The following UBQLN3 variants were observed in gnomAD, a reference collection of about 807,000 sequenced individuals.
UBQLN3 encodes ubiquilin 3, also known as ubiquilin-3.
UBQLN3 carries 1 observed loss-of-function variant against 2.9 expected under a neutral mutation model. The observed-to-expected ratio is 0.35, with a 90% CI of 0.12 to 1.66. The LOEUF is 1.66. Ranked by LOEUF, UBQLN3 falls within the 40% of genes most tolerant of loss-of-function variation. The probability of loss-of-function intolerance (pLI) is 0.35; values close to 1 mark genes in which losing one functional copy is unlikely to be tolerated. For missense variants in UBQLN3, 924 were observed against 816.5 expected (o/e 1.13, Z -1.61); for synonymous variants, 358 against 317.6 (o/e 1.13, Z -1.35).
chr11:5,508,796 A>G lies in UBQLN3; in HGVS notation c.763T>C (p.Cys255Arg), dbSNP rs2234446. 5.8e-4 allele frequency: 933 copies of G among 1,614,182 alleles called. 5 individuals are homozygous for G. In the African/African-American group the frequency reaches 8.0e-3, roughly 14 times the overall value. The change falls in exon 2 of 2, where the codon TGC (cysteine) becomes CGC (arginine). Residue 255 changes from cysteine to arginine, a missense_variant. By Grantham distance (180) the Cys-to-Arg change is radical. Coordinates refer to ENST00000311659, the MANE Select transcript of UBQLN3 (RefSeq NM_017481.4). This position sits in a 1 kb window ranked among gnomAD's most constrained non-coding sequence, Gnocchi z 4.2. ...ESIPGGYNVLCTMYTDIMDPM... is the reference protein window; with the variant it reads ...ESIPGGYNVLRTMYTDIMDPM... ...TCCATAATATCTGTGTACATAGTGC[A>G]AAGCACATTGTAGCCACCAGGAATG... is the stretch of plus-strand genomic sequence containing the variant.
At position 5,508,234 on chromosome 11, in the gene UBQLN3, G is replaced by A. The variant is rs1846414627; in HGVS notation, c.1325C>T (p.Pro442Leu). The A allele has an allele frequency of 4.3e-6, 7 of 1,614,166 alleles. No homozygotes were observed. The highest frequency in any genetic ancestry group is 2.2e-5 in the East Asian group (1 of 44,868). The change falls in exon 2 of 2, where the codon CCT (proline) becomes CTT (leucine). Residue 442 changes from proline to leucine, a missense_variant. Physicochemically the swap from Pro to Leu is moderately conservative, Grantham distance 98. Transcript: ENST00000311659. This position sits in a 1 kb window ranked among gnomAD's most constrained non-coding sequence, Gnocchi z 4.2. ...KSSTGHSTNL[P>L]DLVSGLGDSA... Reference sequence around the variant, plus strand: ...ATCTCCCAGCCCCGAGACAAGATCAGGCAAGTTTGTGCTATGTCCAGTAGA... The same window carrying A: ...ATCTCCCAGCCCCGAGACAAGATCAAGCAAGTTTGTGCTATGTCCAGTAGA...
Position 5,507,668 on chromosome 11 carries a change from G to A in UBQLN3, c.1891C>T (p.Arg631Cys), listed in dbSNP as rs762207092. ...EQLRSMGFLN[R>C]EANLQALIAT... Reference sequence around the variant, plus strand: ...ATGAGGGCCTGAAGATTGGCTTCACGATTCAGAAAGCCCATGGACCGCAGT... The same window carrying A: ...ATGAGGGCCTGAAGATTGGCTTCACAATTCAGAAAGCCCATGGACCGCAGT... Residue 631 changes from arginine (R) to cysteine (C), a missense_variant, in exon 2 of 2, where the codon CGT (arginine) becomes TGT (cysteine). Coordinates refer to ENST00000311659, the MANE Select transcript of UBQLN3 (RefSeq NM_017481.4). The A allele has an allele frequency of 1.3e-5, 21 of 1,613,954 alleles. No homozygotes were observed. The highest frequency in any genetic ancestry group is 4.0e-5 in the African/African-American group (3 of 74,922).
Position 5,508,429 on chromosome 11 carries a change from A to C in UBQLN3, c.1130T>G (p.Val377Gly). ...LSQSQEPPPSVNRVPPSSPSS... is the reference protein window; with the variant it reads ...LSQSQEPPPSGNRVPPSSPSS... ...GGGTGACGATGGGGGAACTCTGTTT[A>C]CTGATGGTGGTGGTTCCTGGCTTTG... is the stretch of plus-strand genomic sequence containing the variant. The change falls in exon 2 of 2, where the codon GTA (valine) becomes GGA (glycine). Residue 377 changes from valine (V) to glycine (G), a missense_variant. Transcript: ENST00000311659. The surrounding 1 kb of genome is among the most constrained non-coding windows in gnomAD (Gnocchi z 4.2). 1.2e-6 allele frequency: 2 copies of C among 1,605,086 alleles called. No individual in the cohort carries two copies. Among genetic ancestry groups the C allele is most frequent in the African/African-American group, 2.7e-5 (2 of 74,620 alleles).
Position 5,508,255 on chromosome 11 carries a change from G to A in UBQLN3, c.1304C>T (p.Thr435Ile). 6.2e-7 allele frequency: 1 copy of A among 1,614,170 alleles called. No homozygotes were observed. Among genetic ancestry groups the A allele is most frequent in the Non-Finnish European group, 8.5e-7 (1 of 1,180,022 alleles). The part of the protein sequence containing the change: ...GDQDGAGKSS[T>I]GHSTNLPDLV... ...ATCAGGCAAGTTTGTGCTATGTCCA[G>A]TAGAGCTTTTCCCTGCACCATCTTG... Residue 435 changes from threonine to isoleucine, a missense_variant, in exon 2 of 2, where the codon ACT (threonine) becomes ATT (isoleucine). By Grantham distance (89) the Thr-to-Ile change is moderately conservative. Transcript: ENST00000311659. This position sits in a 1 kb window ranked among gnomAD's most constrained non-coding sequence, Gnocchi z 4.2.
In UBQLN3 at chr11:5,508,090, C is replaced by T; in HGVS notation, c.1469G>A (p.Gly490Asp). The change falls in exon 2 of 2, where the codon GGC becomes GAC. Residue 490 changes from glycine to aspartate, a missense_variant. Transcript: ENST00000311659. The surrounding 1 kb of genome is among the most constrained non-coding windows in gnomAD (Gnocchi z 4.2). ...CTGTAACTGTGGAGCTGGATTCATG[C>T]CATCTGGCCTCAGAGATCTTGGATA... is the stretch of plus-strand genomic sequence containing the variant. ...PAYPRSLRPD[G>D]MNPAPQLQDE... is the part of the protein sequence containing the mutation. 1 of 1,614,162 alleles carries T rather than the reference C, an allele frequency of 6.2e-7. No homozygotes were observed. The highest frequency in any genetic ancestry group is 8.5e-7 in the Non-Finnish European group (1 of 1,180,032).
rs1846437282 is a variant in UBQLN3 at position 5,509,257 on chromosome 11, T to A, written c.302A>T (p.Glu101Val). 1.2e-6 allele frequency: 2 copies of A among 1,614,048 alleles called. No homozygotes were observed. Among genetic ancestry groups the A allele is most frequent in the African/African-American group, 2.7e-5 (2 of 74,928 alleles). The change falls in exon 2 of 2, where the codon GAG becomes GTG. Residue 101 changes from glutamate to valine, a missense_variant. Glu to Val is a moderately radical substitution (Grantham distance 121, BLOSUM62 -2). Coordinates refer to ENST00000311659, the MANE Select transcript of UBQLN3 (RefSeq NM_017481.4). ...GGTAGGGACAGAGGCAGCTGGGCAC[T>A]CATTGCCCATGGCACGGTGCTGCCT... is the stretch of plus-strand genomic sequence containing the variant. The part of the protein sequence containing the change: ...IKRQHRAMGN[E>V]CPAASVPTQG...
rs1204971357 is a variant in UBQLN3, at chr11:5,508,088, T to C, written c.1471A>G (p.Met491Val). ...AYPRSLRPDG[M>V]NPAPQLQDEI... ...TCCTGTAACTGTGGAGCTGGATTCATGCCATCTGGCCTCAGAGATCTTGGA... is the reference window on the plus strand; with the variant it reads ...TCCTGTAACTGTGGAGCTGGATTCACGCCATCTGGCCTCAGAGATCTTGGA... Residue 491 changes from methionine to valine, a missense_variant, in exon 2 of 2, where the codon ATG (methionine) becomes GTG (valine). Transcript: ENST00000311659. The surrounding 1 kb of genome is among the most constrained non-coding windows in gnomAD (Gnocchi z 4.2). 1 of 1,614,182 alleles carries C rather than the reference T, an allele frequency of 6.2e-7. No individual in the cohort carries two copies. Among genetic ancestry groups the C allele is most frequent in the Non-Finnish European group, 8.5e-7 (1 of 1,180,028 alleles).
In UBQLN3 at chr11:5,508,813, C is replaced by T; in HGVS notation, c.746G>A (p.Gly249Asp). The change falls in exon 2 of 2, where the codon GGT (glycine) becomes GAT (aspartate). Residue 249 changes from glycine (G) to aspartate (D), a missense_variant. By Grantham distance (94) the Gly-to-Asp change is moderately conservative. Transcript: ENST00000311659. This position sits in a 1 kb window ranked among gnomAD's most constrained non-coding sequence, Gnocchi z 4.2. ...RVLSNLESIP[G>D]GYNVLCTMYT... Reference sequence around the variant, plus strand: ...CATAGTGCAAAGCACATTGTAGCCACCAGGAATGCTCTCCAAGTTACTGAG... The same window carrying T: ...CATAGTGCAAAGCACATTGTAGCCATCAGGAATGCTCTCCAAGTTACTGAG... 1.2e-6 allele frequency: 2 copies of T among 1,614,162 alleles called. No individual in the cohort carries two copies. The highest frequency in any genetic ancestry group is 1.7e-6 in the Non-Finnish European group (2 of 1,180,040).
rs1228961991 is a variant in UBQLN3 at position 5,509,123 on chromosome 11, C to T, written c.436G>A (p.Ala146Thr). ...GGCTGGTCAGGGAAGCCACGATAGG[C>T]CAAGCCCAGCCTACTGAGGCCTGTG... ...LLTGLSRLGL[A>T]YRGFPDQPSS... Residue 146 changes from alanine to threonine, a missense_variant, in exon 2 of 2, where the codon GCC becomes ACC. Physicochemically the swap from Ala to Thr is moderately conservative, Grantham distance 58 (BLOSUM62 0). Coordinates refer to ENST00000311659, the MANE Select transcript of UBQLN3 (RefSeq NM_017481.4). 1 of 1,614,114 alleles carries T rather than the reference C, an allele frequency of 6.2e-7. No individual in the cohort carries two copies. The highest frequency in any genetic ancestry group is 1.3e-5 in the African/African-American group (1 of 75,042).
Position 5,508,097 on chromosome 11 carries a change from G to A in UBQLN3, c.1462C>T (p.Pro488Ser), listed in dbSNP as rs1846411028. The A allele has an allele frequency of 6.2e-7, 1 of 1,614,178 alleles. No individual in the cohort carries two copies. Among genetic ancestry groups the A allele is most frequent in the Non-Finnish European group, 8.5e-7 (1 of 1,180,044 alleles). Reference protein sequence around the residue: ...PSPAYPRSLRPDGMNPAPQLQ... With the variant: ...PSPAYPRSLRSDGMNPAPQLQ... ...TGTGGAGCTGGATTCATGCCATCTGGCCTCAGAGATCTTGGATAAGCCGGG... is the reference window on the plus strand; with the variant it reads ...TGTGGAGCTGGATTCATGCCATCTGACCTCAGAGATCTTGGATAAGCCGGG... The change falls in exon 2 of 2, where the codon CCA becomes TCA. Residue 488 changes from proline (P) to serine (S), a missense_variant. Pro to Ser is a moderately conservative substitution (Grantham distance 74). Coordinates refer to ENST00000311659, the MANE Select transcript of UBQLN3 (RefSeq NM_017481.4). The surrounding 1 kb of genome is among the most constrained non-coding windows in gnomAD (Gnocchi z 4.2).
At position 5,509,515 on chromosome 11, in the gene UBQLN3, G is replaced by A; in HGVS notation, c.44C>T (p.Pro15Leu). ...CTTGATGAGGTGGGGATCCTGGACT[G>A]GTGCTGGGCTGCCCTGTGGCAGGGC... The part of the protein sequence containing the change: ...GEALPQGSPA[P>L]VQDPHLIKVT... Residue 15 changes from proline (P) to leucine (L), a missense_variant, in exon 2 of 2, where the codon CCA becomes CTA. Coordinates refer to ENST00000311659, the MANE Select transcript of UBQLN3 (RefSeq NM_017481.4). 9 of 1,614,186 alleles carry A rather than the reference G, an allele frequency of 5.6e-6. No homozygotes were observed. The highest frequency in any genetic ancestry group is 7.6e-6 in the Non-Finnish European group (9 of 1,180,008).
chr11:5,509,005 C>T lies in UBQLN3; in HGVS notation c.554G>A (p.Gly185Asp). ...PFIPGLLSNT[G>D]LVRQLVLDNP... ...GTCAAGAACCAGCTGGCGTACTAGGCCTGTGTTGGACAGCAGACCCGGGAT... is the reference window on the plus strand; with the variant it reads ...GTCAAGAACCAGCTGGCGTACTAGGTCTGTGTTGGACAGCAGACCCGGGAT... Residue 185 changes from glycine to aspartate, a missense_variant, in exon 2 of 2, where the codon GGC becomes GAC. Gly to Asp is a moderately conservative substitution (Grantham distance 94). Transcript: ENST00000311659. 6.2e-7 allele frequency: 1 copy of T among 1,614,078 alleles called. No homozygotes were observed. Among genetic ancestry groups the T allele is most frequent in the Non-Finnish European group, 8.5e-7 (1 of 1,179,974 alleles).
chr11:5,508,015 A>C lies in UBQLN3; in HGVS notation c.1544T>G (p.Met515Arg), dbSNP rs767399234. ...GGCTTGCAGGGCACGGGGGTTTGCC[A>C]TGGCTGCCTGAAGGTGCATCAGCAG... ...LPLLMHLQAA[M>R]ANPRALQALR... is the part of the protein sequence containing the mutation. Residue 515 changes from methionine (M) to arginine (R), a missense_variant, in exon 2 of 2, where the codon ATG (methionine) becomes AGG (arginine). Physicochemically the swap from Met to Arg is moderately conservative, Grantham distance 91. Coordinates refer to ENST00000311659, the MANE Select transcript of UBQLN3 (RefSeq NM_017481.4). This position sits in a 1 kb window ranked among gnomAD's most constrained non-coding sequence, Gnocchi z 4.2. 2 of 1,614,072 alleles carry C rather than the reference A, an allele frequency of 1.2e-6. No homozygotes were observed. The highest frequency in any genetic ancestry group is 2.2e-5 in the South Asian group (2 of 91,082).
In UBQLN3 at chr11:5,507,679, C is replaced by A. The variant is rs200980112; in HGVS notation, c.1880G>T (p.Gly627Val). ...QVQLEQLRSM[G>V]FLNREANLQA... ...AAGATTGGCTTCACGATTCAGAAAG[C>A]CCATGGACCGCAGTTGCTCCAGCTG... The change falls in exon 2 of 2, where the codon GGC becomes GTC. Residue 627 changes from glycine to valine, a missense_variant. Transcript: ENST00000311659. 2.8e-5 allele frequency: 45 copies of A among 1,613,978 alleles called. No homozygotes were observed. Among genetic ancestry groups the A allele is most frequent in the Non-Finnish European group, 2.1e-5 (25 of 1,180,036 alleles).
In UBQLN3 at chr11:5,508,847, C is replaced by A. The variant is rs1293252842; in HGVS notation, c.712G>T (p.Asp238Tyr). The change falls in exon 2 of 2, where the codon GAC (aspartate) becomes TAC (tyrosine). Residue 238 changes from aspartate (D) to tyrosine (Y), a missense_variant. Transcript: ENST00000311659. This position sits in a 1 kb window ranked among gnomAD's most constrained non-coding sequence, Gnocchi z 4.2. ...AMMQEMIRSQ[D>Y]RVLSNLESIP... ...CTCTCCAAGTTACTGAGCACCCGGT[C>A]CTGGCTACGTATCATCTCCTGCATC... The A allele has an allele frequency of 1.2e-6, 2 of 1,614,212 alleles. No individual in the cohort carries two copies. Among genetic ancestry groups the A allele is most frequent in the Admixed American group, 1.7e-5 (1 of 60,028 alleles).
At position 5,508,327 on chromosome 11, in the gene UBQLN3, G is replaced by A; in HGVS notation, c.1232C>T (p.Ala411Val). The part of the protein sequence containing the change: ...VAIKGRSSCP[A>V]FLRYPTENST... ...GTTCTCTGTGGGGTATCTCAGGAAA[G>A]CTGGGCAGGAGGACCTTCCCTTGAT... Residue 411 changes from alanine (A) to valine (V), a missense_variant, in exon 2 of 2, where the codon GCT becomes GTT. Ala to Val is a moderately conservative substitution (Grantham distance 64). Coordinates refer to ENST00000311659, the MANE Select transcript of UBQLN3 (RefSeq NM_017481.4). The surrounding 1 kb of genome is among the most constrained non-coding windows in gnomAD (Gnocchi z 4.2). 2 of 1,609,714 alleles carry A rather than the reference G, an allele frequency of 1.2e-6. No homozygotes were observed. Among genetic ancestry groups the A allele is most frequent in the Non-Finnish European group, 1.7e-6 (2 of 1,176,864 alleles).
chr11:5,508,757 C>T lies in UBQLN3; in HGVS notation c.802G>A (p.Ala268Thr), dbSNP rs144033515. Residue 268 changes from alanine (A) to threonine (T), a missense_variant, in exon 2 of 2, where the codon GCA (alanine) becomes ACA (threonine). Ala to Thr is a moderately conservative substitution (Grantham distance 58). Transcript: ENST00000311659. This position sits in a 1 kb window ranked among gnomAD's most constrained non-coding sequence, Gnocchi z 4.2. ...YTDIMDPMLNAVQEQFGGNPF... is the reference protein window; with the variant it reads ...YTDIMDPMLNTVQEQFGGNPF... ...TTGCCGCCAAACTGCTCCTGGACTGCGTTAAGCATTGGGTCCATAATATCT... is the reference window on the plus strand; with the variant it reads ...TTGCCGCCAAACTGCTCCTGGACTGTGTTAAGCATTGGGTCCATAATATCT... The T allele has an allele frequency of 2.5e-4, 410 of 1,614,024 alleles. No homozygotes were observed. The highest frequency in any genetic ancestry group is 1.7e-3 in the East Asian group (76 of 44,862).
Position 5,508,744 on chromosome 11 carries a change from T to C in UBQLN3, c.815A>G (p.Gln272Arg), listed in dbSNP as rs531935436. 1 of 1,614,066 alleles carries C rather than the reference T, an allele frequency of 6.2e-7. No individual in the cohort carries two copies. Among genetic ancestry groups the C allele is most frequent in the South Asian group, 1.1e-5 (1 of 91,074 alleles). ...AGTGGCAAAGGGATTGCCGCCAAAC[T>C]GCTCCTGGACTGCGTTAAGCATTGG... Reference protein sequence around the residue: ...MDPMLNAVQEQFGGNPFATAT... With the variant: ...MDPMLNAVQERFGGNPFATAT... The change falls in exon 2 of 2, where the codon CAG becomes CGG. Residue 272 changes from glutamine (Q) to arginine (R), a missense_variant. Transcript: ENST00000311659. This position sits in a 1 kb window ranked among gnomAD's most constrained non-coding sequence, Gnocchi z 4.2.
intron 1 of UBQLN3, 130 bp downstream of exon 1, chr11:5,509,743 CT>C: frequency 9.9e-7 from 1 of 1,006,896 alleles, no homozygotes; most frequent in Non-Finnish European, 1.4e-6. Flanking sequence ...GGGCAGGATG[CT>C]TTAGGAAGAT....
Sources: gnomAD v4.1 joint callset for allele counts on GRCh38, gnomAD v4.1.1 for gene constraint, Gnocchi (gnomAD v3.1) non-coding constraint, MANE v1.5 for transcripts, NCBI Gene and HGNC (gene_info 2026-07-23, HGNC 2026-07-21) for gene names.